Variants in SYK observed in about 807,000 individuals in gnomAD.
SYK encodes the protein spleen associated tyrosine kinase.
A neutral mutation model predicts 77.8 loss-of-function variants in SYK; 16 were observed. The observed-to-expected ratio is 0.21, with a 90% CI of 0.14 to 0.31. The LOEUF (loss-of-function observed/expected upper bound fraction) is 0.31, where lower values mean the gene tolerates loss of function less well. SYK is among the 10% of genes least tolerant of loss of function. SYK has a pLI of 1.00. For missense variants in SYK, 529 were observed against 814.4 expected (o/e 0.65, Z 4.26); for synonymous variants, 312 against 308.7 (o/e 1.01, Z -0.11).
chr9:90,862,598 G>A (rs374330231), intron 4 of SYK, among the ~76,000 whole-genome samples: 52 of 152,300 alleles, frequency 3.4e-4, no homozygotes, highest in African/African-American at 1.2e-3. Flanking sequence ...TCCAGAGGCC[G>A]TCATGTGAGG....
intron 13 of SYK, among the ~76,000 whole-genome samples, chr9:90,892,290 G>A (rs1422178355): frequency 6.6e-6 from 1 of 152,172 alleles, no homozygotes; most frequent in African/African-American, 2.4e-5. Context: ...GGGATACTGT[G>A]TTAAATATGT....
At position 90,874,276 on chromosome 9, in the gene SYK, T is replaced by C; in HGVS notation, c.988T>C (p.Trp330Arg). ...FNPYEPELAP[W>R]AADKGPQREA... The stretch of plus-strand genomic sequence containing the variant: ...TCCGTATGAGCCAGAACTTGCACCC[T>C]GGGCTGCAGACAAAGGTGAGACTTC... The change falls in exon 8 of 14, where the codon TGG (tryptophan) becomes CGG (arginine). Residue 330 changes from tryptophan (W) to arginine (R), a missense_variant. Physicochemically the swap from Trp to Arg is moderately radical, Grantham distance 101. Around this residue, in one of 2 missense-constraint regions of SYK, gnomAD observed 321 missense variants for 433.1 expected, o/e 0.74. Transcript: ENST00000375754. 1 of 1,614,190 alleles carries C rather than the reference T, an allele frequency of 6.2e-7. No individual in the cohort carries two copies. The highest frequency in any genetic ancestry group is 8.5e-7 in the Non-Finnish European group (1 of 1,180,022).
intron 3 of SYK, among the ~76,000 whole-genome samples, chr9:90,859,872 C>A (rs1002386510): frequency 9.2e-5 from 14 of 152,370 alleles, no homozygotes; most frequent in African/African-American, 3.4e-4. Context: ...TCAGGGAAAC[C>A]TGTGCTTGTC....
chr9:90,847,241 G>A (rs1826633691), intron 3 of SYK, among the ~76,000 whole-genome samples: 2 of 152,236 alleles, frequency 1.3e-5, no homozygotes, highest in East Asian at 1.9e-4. Flanking sequence ...ACATGTCCCT[G>A]ACACTGAGGC....
chr9:90,865,256 A>C (rs1165859414), intron 6 of SYK, among the ~76,000 whole-genome samples, 159 bp downstream of exon 6: 1 of 152,112 alleles, frequency 6.6e-6, no homozygotes, highest in African/African-American at 2.4e-5. Flanking sequence ...GTTAGGCAGA[A>C]TCAGCCTCCT....
At position 90,855,093 on chromosome 9, in the gene SYK, G is replaced by T. The variant is rs961235368; in HGVS notation, c.579-7113G>T. Among the ~76,000 whole-genome samples the T allele has an allele frequency of 5.1e-4, 78 of 151,678 alleles. 1 individual carries two copies. Among genetic ancestry groups the T allele is most frequent in the African/African-American group, 1.8e-3 (76 of 41,250 alleles). Reference sequence around the variant, plus strand: ...TGTGGACCTGTGCACAACCTGTGGGGCCCAACTTAAAGTACTGCATCCATT... The same window carrying T: ...TGTGGACCTGTGCACAACCTGTGGGTCCCAACTTAAAGTACTGCATCCATT... On this transcript the variant is annotated intron_variant, in intron 3 of 13. Coordinates refer to ENST00000375754, the MANE Select transcript of SYK (RefSeq NM_003177.7).
At chr9:90,850,527 A>ATATTAT (rs933083369) in intron 3 of SYK, among the ~76,000 whole-genome samples, 1 of 151,412 alleles carries the variant, frequency 6.6e-6, no homozygotes, top group Admixed American at 6.6e-5. Context: ...AAAAATATAT[A>ATATTAT]TATTATTATT....
At chr9:90,806,725 A>G (rs1367325993) in intron 1 of SYK, among the ~76,000 whole-genome samples, 2 of 152,226 alleles carry the variant, frequency 1.3e-5, no homozygotes, top group African/African-American at 4.8e-5. Context: ...TATTTATTGT[A>G]GTATAGAACT....
chr9:90,837,448 G>A (rs1414479775), intron 1 of SYK, among the ~76,000 whole-genome samples: 1 of 152,080 alleles, frequency 6.6e-6, no homozygotes, highest in Non-Finnish European at 1.5e-5. Flanking sequence ...TCATCATGAT[G>A]CAACTCTCTG....
At chr9:90,880,881 G>A (rs777830144) in intron 11 of SYK, among the ~76,000 whole-genome samples, 1 of 152,220 alleles carries the variant, frequency 6.6e-6, no homozygotes, top group Non-Finnish European at 1.5e-5. Context: ...GGAGACCTCT[G>A]CGGGGCTGTC....
chr9:90,823,664 A>T (rs904267032), intron 1 of SYK, among the ~76,000 whole-genome samples: 43 of 152,208 alleles, frequency 2.8e-4, no homozygotes, highest in African/African-American at 1.0e-3. Flanking sequence ...TTCCAAGAAG[A>T]AGTCTCCAAA....
intron 13 of SYK, among the ~76,000 whole-genome samples, chr9:90,890,974 G>A (rs77221992): frequency 1.3e-5 from 2 of 152,202 alleles, no homozygotes; most frequent in South Asian, 4.1e-4. Flanking sequence ...TTCCGGCTCC[G>A]TGTGGAAATG....
intron 1 of SYK, 73 bp downstream of exon 1, chr9:90,801,966 T>G (rs956261163): frequency 2.6e-5 from 4 of 152,304 alleles, no homozygotes; most frequent in Admixed American, 6.5e-5. Flanking sequence ...AACGACGCGC[T>G]GCTTTCATGC....
intron 2 of SYK, 46 bp from the exon 3 acceptor site, chr9:90,845,388 A>G (rs1419477138): frequency 5.1e-6 from 8 of 1,566,440 alleles, no homozygotes; most frequent in Non-Finnish European, 6.9e-6. Flanking sequence ...CATCATTTTC[A>G]TTTTTCCTCG....
chr9:90,863,653 G>A (rs115772608), intron 4 of SYK, among the ~76,000 whole-genome samples: 170 of 152,136 alleles, frequency 1.1e-3, no homozygotes, highest in African/African-American at 3.8e-3. Context: ...ATATTGATTC[G>A]AAAGAGTATT....
chr9:90,822,118 T>C (rs562730450), intron 1 of SYK, among the ~76,000 whole-genome samples: 37 of 152,348 alleles, frequency 2.4e-4, no homozygotes, highest in Middle Eastern at 3.4e-3. Flanking sequence ...CTTTGTGGAA[T>C]GTATAACCTG....
intron 3 of SYK, among the ~76,000 whole-genome samples, chr9:90,849,561 C>G (rs1826737722): frequency 6.6e-6 from 1 of 152,222 alleles, no homozygotes; most frequent in Non-Finnish European, 1.5e-5. Context: ...TCTTGCACCT[C>G]TTTCTACCTC....
intron 3 of SYK, among the ~76,000 whole-genome samples, chr9:90,861,351 A>G (rs1298696884): frequency 2.6e-5 from 4 of 152,302 alleles, no homozygotes; most frequent in Non-Finnish European, 4.4e-5. Flanking sequence ...ATTACCATGA[A>G]GACAGAGCCT....
chr9:90,817,916 A>G (rs1825355222), intron 1 of SYK, among the ~76,000 whole-genome samples: 2 of 151,626 alleles, frequency 1.3e-5, no homozygotes, highest in Non-Finnish European at 2.9e-5. Flanking sequence ...AGAGGGTGAA[A>G]GAGAGAGAAT....
Sources: allele counts gnomAD v4.1 joint callset (sites outside exome capture counted in the v4.1 genomes callset), GRCh38; gene constraint gnomAD v4.1.1; regional missense constraint gnomAD v4.1.1; transcripts MANE v1.5; gene names NCBI Gene and HGNC (gene_info 2026-07-23, HGNC 2026-07-21).